MICU1: variants seen among roughly 807,000 people sequenced by gnomAD.
The protein encoded by MICU1 is mitochondrial calcium uptake 1.
MICU1 carries 45 observed loss-of-function variants against 56.8 expected under a neutral mutation model. That is an observed-to-expected ratio of 0.79 (90% CI 0.62 to 1.02). The LOEUF is 1.02. MICU1 is among the 50% of genes least tolerant of loss of function. MICU1 has a pLI of 0.00. For synonymous variants in MICU1, 186 were observed against 195.1 expected, an observed-to-expected ratio of 0.95 and a Z score of 0.39; for missense variants, 504 against 587.1, an observed-to-expected ratio of 0.86 and a Z score of 1.46.
chr10:72,525,505 G>A (rs7902196), intron 5 of MICU1, among the ~76,000 whole-genome samples: 95,197 of 151,974 alleles, frequency 0.63, 31,331 homozygotes, highest in African/African-American at 0.72. Flanking sequence ...ATCAAACTGG[G>A]GGCCTCTCTT....
chr10:72,532,271 T>C (rs1236673952), intron 5 of MICU1, among the ~76,000 whole-genome samples: 1 of 151,666 alleles, frequency 6.6e-6, no homozygotes, highest in African/African-American at 2.4e-5. Flanking sequence ...TGAGCCGAGA[T>C]TGCTCCACTG....
chr10:72,445,400 T>C (rs777787430), intron 8 of MICU1, among the ~76,000 whole-genome samples: 2 of 152,202 alleles, frequency 1.3e-5, no homozygotes, highest in African/African-American at 2.4e-5. Flanking sequence ...AGTCACACTT[T>C]AGCCCATTAT....
chr10:72,464,295 CAAA>C (rs58499998), intron 8 of MICU1, among the ~76,000 whole-genome samples: 2,056 of 99,692 alleles, frequency 0.021, 26 homozygotes, highest in African/African-American at 0.087. Flanking sequence ...GATTCTGTCT[CAAA>C]AAAAAAAAAA....
intron 8 of MICU1, among the ~76,000 whole-genome samples, chr10:72,471,613 GT>G (rs1265337201): frequency 6.6e-6 from 1 of 151,752 alleles, no homozygotes; most frequent in Non-Finnish European, 1.5e-5. Flanking sequence ...GTTTGTTTTT[GT>G]TTTTGCTAAA....
At chr10:72,500,103 T>C (rs569765550) in intron 6 of MICU1, among the ~76,000 whole-genome samples, 2 of 151,818 alleles carry the variant, frequency 1.3e-5, no homozygotes, top group East Asian at 3.9e-4. Context: ...AATGAGAATA[T>C]AATGAATTAT....
intron 5 of MICU1, among the ~76,000 whole-genome samples, chr10:72,518,772 C>T (rs1158668278): frequency 6.6e-6 from 1 of 152,048 alleles, no homozygotes; most frequent in Non-Finnish European, 1.5e-5. Flanking sequence ...AAACTGCCTC[C>T]TGGGTTCAAG....
intron 2 of MICU1, among the ~76,000 whole-genome samples, chr10:72,563,762 GCCCTT>G (rs1840356500): frequency 1.3e-5 from 2 of 152,240 alleles, no homozygotes; most frequent in East Asian, 3.9e-4. Context: ...GAGACGATGA[GCCCTT>G]CCAGTACAAA....
Position 72,475,117 on chromosome 10 carries a change from C to A in MICU1, c.916G>T (p.Asp306Tyr). Reference sequence around the variant, plus strand: ...AGACCTACCTCAAGCTTCAGAACATCATGCTGCAGTTTACGCTGAAATTCG... The same window carrying A: ...AGACCTACCTCAAGCTTCAGAACATAATGCTGCAGTTTACGCTGAAATTCG... Reference protein sequence around the residue: ...FLEFQRKLQHDVLKLEFERHD... With the variant: ...FLEFQRKLQHYVLKLEFERHD... The change falls in exon 8 of 12, where the codon GAT (aspartate) becomes TAT (tyrosine). Residue 306 changes from aspartate to tyrosine, a missense_variant. Coordinates refer to ENST00000361114, the MANE Select transcript of MICU1 (RefSeq NM_001195518.2). 1 of 1,609,734 alleles carries A rather than the reference C, an allele frequency of 6.2e-7. No individual in the cohort carries two copies. The highest frequency in any genetic ancestry group is 1.3e-5 in the African/African-American group (1 of 74,994).
At chr10:72,520,166 T>C (rs1446717033) in intron 5 of MICU1, among the ~76,000 whole-genome samples, 1 of 152,070 alleles carries the variant, frequency 6.6e-6, no homozygotes, top group Non-Finnish European at 1.5e-5. Flanking sequence ...CTATCTAAGG[T>C]TGGGGTCAAG....
chr10:72,547,534 T>TATAC (rs570477060), intron 4 of MICU1, among the ~76,000 whole-genome samples: 842 of 25,966 alleles, frequency 0.032, 7 homozygotes, highest in Non-Finnish European at 0.076. Flanking sequence ...TACACATATG[T>TATAC]ATATATATAT....
chr10:72,522,976 T>A (rs1248054232), intron 5 of MICU1, among the ~76,000 whole-genome samples: 3 of 152,166 alleles, frequency 2.0e-5, no homozygotes, highest in Non-Finnish European at 4.4e-5. Flanking sequence ...TGATTTTGAA[T>A]CCCTGATCAA....
chr10:72,603,584 C>A (rs1375234487), intron 1 of MICU1, among the ~76,000 whole-genome samples: 1 of 151,906 alleles, frequency 6.6e-6, no homozygotes, highest in African/African-American at 2.4e-5. Context: ...TTGGATGGAT[C>A]ACCTGAGGTC....
At chr10:72,548,487 A>ATATAAATG (rs1839950649) in intron 4 of MICU1, among the ~76,000 whole-genome samples, 3 of 152,230 alleles carry the variant, frequency 2.0e-5, no homozygotes, top group Non-Finnish European at 2.9e-5. Context: ...TATTTTAGAG[A>ATATAAATG]CACATGCAAA....
intron 8 of MICU1, among the ~76,000 whole-genome samples, chr10:72,468,236 G>A (rs1865852036): frequency 6.6e-6 from 1 of 151,032 alleles, no homozygotes; most frequent in Non-Finnish European, 1.5e-5. Context: ...TACCTTTTCA[G>A]TGTCCTTGTC....
intron 7 of MICU1, chr10:72,475,922 T>C: frequency 6.6e-6 from 3 of 456,410 alleles, no homozygotes; most frequent in Non-Finnish European, 1.3e-5. Flanking sequence ...ACATTTGTTT[T>C]GGAGACTCAA....
In MICU1 at chr10:72,494,857, C is replaced by A. The variant is rs866327439; in HGVS notation, c.652+13298G>T. Among the ~76,000 whole-genome samples, 507 of 144,046 alleles carry A rather than the reference C, an allele frequency of 3.5e-3. 6 individuals are homozygous for A. The highest frequency in any genetic ancestry group is 0.013 in the African/African-American group (451 of 35,946). The allele number at this position is 144,046 out of a possible 152,430, so 94.5% of individuals were successfully genotyped here. On this transcript the variant is annotated intron_variant, in intron 6 of 11. Coordinates refer to ENST00000361114, the MANE Select transcript of MICU1 (RefSeq NM_001195518.2). ...GCCCTGATTCTAAAAAAAAAAAAAA[C>A]AAAACAAAAAACCATGTATAATTTC...
At chr10:72,541,211 C>T (rs1839766964) in intron 4 of MICU1, among the ~76,000 whole-genome samples, 1 of 152,206 alleles carries the variant, frequency 6.6e-6, no homozygotes, top group Non-Finnish European at 1.5e-5. Flanking sequence ...AGCAAGAATG[C>T]TAATAGTCCC....
intron 6 of MICU1, among the ~76,000 whole-genome samples, chr10:72,499,655 C>T (rs958465005): frequency 1.3e-5 from 2 of 152,124 alleles, no homozygotes; most frequent in South Asian, 4.1e-4. Flanking sequence ...AAGATAATAG[C>T]TAAACCAAAT....
At chr10:72,420,105 G>T (rs1448425390) in intron 9 of MICU1, among the ~76,000 whole-genome samples, 1 of 152,130 alleles carries the variant, frequency 6.6e-6, no homozygotes, top group East Asian at 1.9e-4. Context: ...TGTTACCCAG[G>T]CTGGAGTGCA....
Sources: allele counts gnomAD v4.1 joint callset (sites outside exome capture counted in the v4.1 genomes callset), GRCh38; gene constraint gnomAD v4.1.1; transcripts MANE v1.5; gene names NCBI Gene and HGNC (gene_info 2026-07-23, HGNC 2026-07-21).